Variants in CDH4 observed in about 807,000 individuals in gnomAD.
The protein encoded by CDH4 is cadherin 4, also known as cadherin-4.
In CDH4, 33 loss-of-function variants were observed where a neutral mutation model predicts 86.0. That is an observed-to-expected ratio of 0.38 (90% CI 0.29 to 0.51). The LOEUF (loss-of-function observed/expected upper bound fraction) is 0.51. Among genes scored for constraint, CDH4 ranks in the 20% least tolerant of loss-of-function variants. CDH4 has a pLI of 0.86. For missense variants in CDH4, 1,114 were observed against 1,307.4 expected, an observed-to-expected ratio of 0.85 and a Z score of 2.28; for synonymous variants, 555 against 549.4, an observed-to-expected ratio of 1.01 and a Z score of -0.14.
At chr20:61,506,841 G>A (rs550343121) in intron 2 of CDH4, among the ~76,000 whole-genome samples, 1 of 152,264 alleles carries the variant, frequency 6.6e-6, no homozygotes, top group South Asian at 2.1e-4. Flanking sequence ...TGCTGGGTAG[G>A]GTTTAAACAT....
intron 2 of CDH4, among the ~76,000 whole-genome samples, chr20:61,567,863 C>T (rs997868586): frequency 6.6e-6 from 1 of 152,136 alleles, no homozygotes; most frequent in Non-Finnish European, 1.5e-5. Flanking sequence ...GTCTCAGCTG[C>T]TTGGGAGCCT....
intron 6 of CDH4, among the ~76,000 whole-genome samples, chr20:61,864,173 C>A (rs1290334976): frequency 6.6e-6 from 1 of 152,190 alleles, no homozygotes; most frequent in Non-Finnish European, 1.5e-5. Flanking sequence ...CAGGAGCACC[C>A]AAGTTGGACG....
chr20:61,512,281 G>T (rs1368738425), intron 2 of CDH4, among the ~76,000 whole-genome samples: 1 of 152,164 alleles, frequency 6.6e-6, no homozygotes, highest in African/African-American at 2.4e-5. Flanking sequence ...AGTGATTGGA[G>T]TGTGTATGTG....
At chr20:61,262,425 A>G (rs901106679) in intron 2 of CDH4, among the ~76,000 whole-genome samples, 1 of 152,174 alleles carries the variant, frequency 6.6e-6, no homozygotes, top group Non-Finnish European at 1.5e-5. Context: ...CTTGCGGCGA[A>G]GCCCCTTTGC....
intron 4 of CDH4, among the ~76,000 whole-genome samples, chr20:61,800,046 C>T (rs1014244619): frequency 4.6e-5 from 7 of 152,160 alleles, no homozygotes; most frequent in African/African-American, 7.2e-5. Flanking sequence ...CCGGCTTCCC[C>T]GCCTGTGCTT....
chr20:61,660,734 G>A (rs62197807), intron 2 of CDH4, among the ~76,000 whole-genome samples: 17,324 of 152,140 alleles, frequency 0.11, 1,354 homozygotes, highest in East Asian at 0.24. Flanking sequence ...TGGGCCACCC[G>A]GGTTTTGTTT....
chr20:61,524,342 C>T (rs1472455873), intron 2 of CDH4, among the ~76,000 whole-genome samples: 1 of 152,196 alleles, frequency 6.6e-6, no homozygotes, highest in Non-Finnish European at 1.5e-5. Context: ...AAAGCCTGGA[C>T]ACCTGCATTC....
intron 2 of CDH4, among the ~76,000 whole-genome samples, chr20:61,706,488 C>T (rs1941949738): frequency 6.6e-6 from 1 of 152,154 alleles, no homozygotes; most frequent in South Asian, 2.1e-4. Context: ...TAGCCAAAGG[C>T]AGCTGTTCAG....
intron 2 of CDH4, among the ~76,000 whole-genome samples, chr20:61,447,564 G>T (rs1266798792): frequency 6.6e-6 from 1 of 150,616 alleles, no homozygotes. Context: ...ATCATTCGGG[G>T]TCTCCTACTT....
rs111278656 is a variant in CDH4 at position 61,470,419 on chromosome 20, T to A, written c.169+215482T>A. 6.9e-3 allele frequency among the ~76,000 whole-genome samples: 1,049 copies of A among 151,418 alleles called. 11 individuals are homozygous for A. The highest frequency in any genetic ancestry group is 0.024 in the African/African-American group (993 of 41,440). ...TGCAACTTCACTGAATTTATTTATC[T>A]GTTGTAATCATTTTTTGTTGGAATC... On this transcript the variant is annotated intron_variant, in intron 2 of 15. Transcript: ENST00000614565.
chr20:61,397,426 A>G (rs1456955108), intron 2 of CDH4, among the ~76,000 whole-genome samples: 2 of 144,988 alleles, frequency 1.4e-5, no homozygotes, highest in Non-Finnish European at 3.1e-5. Flanking sequence ...TTCCTTGCGC[A>G]TATCACATGC....
intron 2 of CDH4, among the ~76,000 whole-genome samples, chr20:61,449,114 C>T (rs560736671): frequency 3.9e-5 from 6 of 152,166 alleles, no homozygotes; most frequent in Non-Finnish European, 8.8e-5. Flanking sequence ...GTGTGCAGTG[C>T]CAGGGGCTGG....
At chr20:61,650,986 G>T (rs1408121379) in intron 2 of CDH4, among the ~76,000 whole-genome samples, 1 of 152,268 alleles carries the variant, frequency 6.6e-6, no homozygotes, top group East Asian at 1.9e-4. Context: ...CCCATGGCGT[G>T]CAGCACAGAG....
intron 2 of CDH4, among the ~76,000 whole-genome samples, chr20:61,679,648 C>T (rs1418970790): frequency 2.6e-5 from 4 of 152,206 alleles, no homozygotes; most frequent in South Asian, 4.1e-4. Context: ...TGAGCAGCTG[C>T]GTGGGGAGCA....
At chr20:61,367,417 A>T (rs1415865771) in intron 2 of CDH4, among the ~76,000 whole-genome samples, 1 of 152,214 alleles carries the variant, frequency 6.6e-6, no homozygotes, top group Admixed American at 6.5e-5. Flanking sequence ...CAATGGAGAA[A>T]GTAAGAAAGT....
At chr20:61,827,835 G>A (rs1981395433) in intron 4 of CDH4, among the ~76,000 whole-genome samples, 1 of 152,166 alleles carries the variant, frequency 6.6e-6, no homozygotes, top group African/African-American at 2.4e-5. Context: ...ACTTGAAGAT[G>A]CTCCCACTGG....
intron 2 of CDH4, among the ~76,000 whole-genome samples, chr20:61,508,168 C>T (rs991358696): frequency 6.6e-6 from 1 of 152,226 alleles, no homozygotes; most frequent in African/African-American, 2.4e-5. Flanking sequence ...AAATAAATGC[C>T]ACTTCAGAGA....
At chr20:61,541,428 T>C (rs1291930435) in intron 2 of CDH4, among the ~76,000 whole-genome samples, 3 of 152,222 alleles carry the variant, frequency 2.0e-5, no homozygotes, top group South Asian at 2.1e-4. Context: ...TTTTTATTAA[T>C]AGCAAGCACA....
chr20:61,848,166 T>C (rs1449571705), intron 5 of CDH4, among the ~76,000 whole-genome samples: 3 of 152,152 alleles, frequency 2.0e-5, no homozygotes, highest in African/African-American at 7.2e-5. Context: ...GGGACCTGGG[T>C]CCCACACCTG....
Sources: allele counts gnomAD v4.1 joint callset (sites outside exome capture counted in the v4.1 genomes callset), GRCh38; gene constraint gnomAD v4.1.1; transcripts MANE v1.5; gene names NCBI Gene and HGNC (gene_info 2026-07-23, HGNC 2026-07-21).